Variants in SYNE1 observed in about 807,000 individuals in gnomAD.
SYNE1 encodes the protein nesprin-1.
In SYNE1, 616 loss-of-function variants were observed where a neutral mutation model predicts 1,111.0. The ratio of observed to expected loss-of-function variants is 0.55; its 90% CI spans 0.52 to 0.59. SYNE1 has a LOEUF of 0.59. SYNE1 is among the 20% of genes least tolerant of loss of function. SYNE1 has a pLI of 0.00. For missense variants in SYNE1, 10,006 were observed against 10,417.0 expected, an observed-to-expected ratio of 0.96 and a Z score of 1.72; for synonymous variants, 3,855 against 3,825.8, an observed-to-expected ratio of 1.01 and a Z score of -0.28.
At chr6:152,192,438 A>C (rs1426657834) in intron 127 of SYNE1, among the ~76,000 whole-genome samples, 1 of 57,206 alleles carries the variant, frequency 1.7e-5, no homozygotes, top group African/African-American at 8.0e-5. Context: ...GAGCATACAT[A>C]AGTGACAGAA....
At chr6:152,218,714 C>T (rs1202150576) in intron 120 of SYNE1, among the ~76,000 whole-genome samples, 12 of 152,244 alleles carry the variant, frequency 7.9e-5, no homozygotes, top group Middle Eastern at 3.4e-3. Context: ...TAAATAAACA[C>T]GAATATTTAT....
At chr6:152,349,117 G>A (rs187631343) in intron 72 of SYNE1, among the ~76,000 whole-genome samples, 5 of 152,318 alleles carry the variant, frequency 3.3e-5, no homozygotes, top group Admixed American at 2.6e-4. Flanking sequence ...TTCCTAAGAC[G>A]CACTGTCAGA....
At chr6:152,356,209 C>T (rs2154054261) in intron 66 of SYNE1, among the ~76,000 whole-genome samples, 1 of 151,944 alleles carries the variant, frequency 6.6e-6, no homozygotes, top group East Asian at 1.9e-4. Context: ...AAAAAAACCA[C>T]AGACGATACA....
At position 152,289,846 on chromosome 6, in the gene SYNE1, G is replaced by A. The variant is rs1047949662; in HGVS notation, c.18012+3742C>T. 2.6e-5 allele frequency among the ~76,000 whole-genome samples: 4 copies of A among 151,502 alleles called. No homozygotes were observed. The East Asian group carries it at 5.8e-4, about 22-fold the overall frequency. ...TTTCACCATGTTAGCCAGGATGGTCGCGATCTCCTGACCTCGTGATCCGCC... is the reference window on the plus strand; with the variant it reads ...TTTCACCATGTTAGCCAGGATGGTCACGATCTCCTGACCTCGTGATCCGCC... On this transcript the variant is annotated intron_variant, in intron 95 of 145. Coordinates refer to ENST00000367255, the MANE Select transcript of SYNE1 (RefSeq NM_182961.4).
At chr6:152,530,967 C>G (rs998713740) in intron 4 of SYNE1, among the ~76,000 whole-genome samples, 16 of 144,694 alleles carry the variant, frequency 1.1e-4, no homozygotes, top group Admixed American at 8.7e-4. Flanking sequence ...CATGAATCAT[C>G]CCTTTGCCCA....
In SYNE1 at chr6:152,249,179, G is replaced by T; in HGVS notation, c.19554C>A (p.Pro6518=). Residue 6518 remains proline, a synonymous_variant, in exon 105 of 146, where the codon CCC becomes CCA. Coordinates refer to ENST00000367255, the MANE Select transcript of SYNE1 (RefSeq NM_182961.4). ...TAAATACCTCTATTTGTTCTGCTAC[G>T]GGCTGTTCAAACACATTTGCCAGTT... The part of the protein sequence containing the change: ...LQKLANVFEQ[P]VAEQIEAIQQ... 1.2e-6 allele frequency: 2 copies of T among 1,612,706 alleles called. No individual in the cohort carries two copies. Among genetic ancestry groups the T allele is most frequent in the Non-Finnish European group, 1.7e-6 (2 of 1,178,818 alleles).
At chr6:152,166,598 G>C (rs1586697786) in intron 130 of SYNE1, among the ~76,000 whole-genome samples, 3 of 152,300 alleles carry the variant, frequency 2.0e-5, no homozygotes, top group African/African-American at 7.2e-5. Context: ...TATCGAATGA[G>C]TTCCAAGTCA....
chr6:152,573,780 G>T (rs1487577529), intron 3 of SYNE1, among the ~76,000 whole-genome samples: 1 of 151,964 alleles, frequency 6.6e-6, no homozygotes, highest in Admixed American at 6.5e-5. Context: ...TTAAAACTTT[G>T]AAGAAAATGA....
At position 152,386,961 on chromosome 6, in the gene SYNE1, C is replaced by A. The variant is rs552576614; in HGVS notation, c.8487+111G>T. On this transcript the variant is annotated intron_variant, in intron 54 of 145. Transcript: ENST00000367255. ...GCAGCCAATTCTCCAACAATTTAAT[C>A]CACAGTTTCTTCTTTACCTGACCTT... The A allele has an allele frequency of 2.6e-5, 25 of 950,020 alleles. No homozygotes were observed. In the Middle Eastern group the frequency reaches 1.8e-3, roughly 67 times the overall value. The allele number at this position is 950,020 out of a possible 1,614,324, so 58.8% of individuals were successfully genotyped here.
intron 74 of SYNE1, among the ~76,000 whole-genome samples, chr6:152,343,483 CTTTTT>C (rs2154014810): frequency 7.3e-6 from 1 of 137,254 alleles, no homozygotes; most frequent in South Asian, 2.4e-4. Flanking sequence ...TTTTTTTTTT[CTTTTT>C]AATAGTTTAT....
At position 152,499,814 on chromosome 6, in the gene SYNE1, T is replaced by C. The variant is rs76466115; in HGVS notation, c.889-1022A>G. Among the ~76,000 whole-genome samples the C allele has an allele frequency of 5.9e-4, 90 of 152,306 alleles. 1 individual carries two copies. The highest frequency in any genetic ancestry group is 3.1e-3 in the East Asian group (16 of 5,182). On this transcript the variant is annotated intron_variant, in intron 10 of 145. Transcript: ENST00000367255. ...TGAGATAATAAGCCTGAATAAATCA[T>C]ATGCATCCTCTTTTTAGGAAAGGGA...
chr6:152,587,025 C>A (rs1176624433), intron 3 of SYNE1, among the ~76,000 whole-genome samples: 1 of 152,068 alleles, frequency 6.6e-6, no homozygotes, highest in African/African-American at 2.4e-5. Flanking sequence ...CAAGTCATAT[C>A]TTTGTAAAGG....
intron 117 of SYNE1, 131 bp from the exon 118 acceptor site, chr6:152,221,690 A>T (rs2080216727): frequency 8.6e-7 from 1 of 1,164,948 alleles, no homozygotes; most frequent in African/African-American, 1.5e-5. Flanking sequence ...ACTTAGCACC[A>T]ATGCTTTATC....
intron 2 of SYNE1, among the ~76,000 whole-genome samples, chr6:152,634,172 A>T: frequency 6.6e-6 from 1 of 152,236 alleles, no homozygotes; most frequent in East Asian, 1.9e-4. Context: ...AATGCAACTG[A>T]ATTTCTAGGT....
Position 152,371,914 on chromosome 6 carries a change from AAAGG to A in SYNE1, c.9507+1119_9507+1122del, listed in dbSNP as rs1169307539. On this transcript the variant is annotated intron_variant, in intron 59 of 145. Coordinates refer to ENST00000367255, the MANE Select transcript of SYNE1 (RefSeq NM_182961.4). The stretch of plus-strand genomic sequence containing the variant: ...AAAGGAAAGGAAAGGAAAGGAAAGG[AAAGG>A]AAAGGACAGGACAGGACAGGAAAGG... Among the ~76,000 whole-genome samples, 17 of 68,564 alleles carry A rather than the reference AAAGG, an allele frequency of 2.5e-4. 1 individual carries two copies. The highest frequency in any genetic ancestry group is 5.6e-3 in the Middle Eastern group (1 of 180). The allele number at this position is 68,564 out of a possible 152,430, so 45.0% of individuals were successfully genotyped here. A position where few individuals can be genotyped will look rare whatever the true frequency, so the allele number is the denominator to read the frequency against.
At chr6:152,278,880 G>A (rs950459325) in intron 97 of SYNE1, among the ~76,000 whole-genome samples, 12 of 152,006 alleles carry the variant, frequency 7.9e-5, no homozygotes, top group Non-Finnish European at 1.5e-4. Context: ...GGATCCCCTT[G>A]CCTGAGCCTC....
intron 98 of SYNE1, among the ~76,000 whole-genome samples, chr6:152,273,723 T>A (rs1016042322): frequency 9.2e-5 from 14 of 152,258 alleles, no homozygotes; most frequent in African/African-American, 3.4e-4. Flanking sequence ...GATCCAGCAA[T>A]GCCACTTGTA....
chr6:152,552,207 C>T (rs2099349551), intron 3 of SYNE1, among the ~76,000 whole-genome samples: 1 of 152,084 alleles, frequency 6.6e-6, no homozygotes, highest in African/African-American at 2.4e-5. Context: ...TTTTAAAAAA[C>T]CCACAGTTCT....
intron 29 of SYNE1, among the ~76,000 whole-genome samples, 177 bp from the exon 30 acceptor site, chr6:152,444,755 C>T (rs911674517): frequency 2.0e-5 from 3 of 152,036 alleles, no homozygotes; most frequent in Admixed American, 2.0e-4. Flanking sequence ...ACATATTTCT[C>T]CTTTTGTTTT....
Sources: allele counts gnomAD v4.1 joint callset (sites outside exome capture counted in the v4.1 genomes callset), GRCh38; gene constraint gnomAD v4.1.1; transcripts MANE v1.5; gene names NCBI Gene and HGNC (gene_info 2026-07-23, HGNC 2026-07-21).